The following PHTF1 variants were observed in gnomAD, a reference collection of about 807,000 sequenced individuals.
The protein encoded by PHTF1 is protein PHTF1.
In PHTF1, 88 loss-of-function variants were observed where a neutral mutation model predicts 102.4. The ratio of observed to expected loss-of-function variants is 0.86; its 90% CI spans 0.72 to 1.03. The LOEUF (loss-of-function observed/expected upper bound fraction) is 1.03. Among genes scored for constraint, PHTF1 ranks in the 50% least tolerant of loss-of-function variants. The probability of loss-of-function intolerance (pLI) is 0.00; values close to 1 mark genes in which losing one functional copy is unlikely to be tolerated. For synonymous variants in PHTF1, 289 were observed against 305.2 expected, an observed-to-expected ratio of 0.95 and a Z score of 0.55; for missense variants, 814 against 909.5, an observed-to-expected ratio of 0.89 and a Z score of 1.35.
rs1357346874 is a variant in PHTF1 at position 113,716,865 on chromosome 1, C to T, written c.624-3427G>A. 2.6e-5 allele frequency among the ~76,000 whole-genome samples: 4 copies of T among 152,096 alleles called. No individual in the cohort carries two copies. In the East Asian group the frequency reaches 7.7e-4, roughly 29 times the overall value. On this transcript the variant is annotated intron_variant, in intron 7 of 18. Coordinates refer to ENST00000369604, the MANE Select transcript of PHTF1 (RefSeq NM_001323043.2). The stretch of plus-strand genomic sequence containing the variant: ...ACATTAATGAGCAATAAGCAATCAT[C>T]TGAAGGTACAAAACTCATTAGTAAT...
At chr1:113,734,216 C>T (rs1056965785) in intron 5 of PHTF1, among the ~76,000 whole-genome samples, 6 of 152,104 alleles carry the variant, frequency 3.9e-5, no homozygotes, top group Non-Finnish European at 4.4e-5. Flanking sequence ...GCCAAGATCA[C>T]GCCACTGTAC....
rs1557917066 is a variant in PHTF1, at chr1:113,712,002, T to C, written c.895A>G (p.Ser299Gly). ...TTCTTAACTTCACAACCATTGTCAC[T>C]TGAGGCCCCTTCCACACTCCTACGC... The part of the protein sequence containing the change: ...LLRRSVEGAS[S>G]DNGCEVKNRK... The change falls in exon 9 of 19, where the codon AGT becomes GGT. Residue 299 changes from serine to glycine, a missense_variant. Coordinates refer to ENST00000369604, the MANE Select transcript of PHTF1 (RefSeq NM_001323043.2). 3.7e-6 allele frequency: 6 copies of C among 1,614,098 alleles called. No homozygotes were observed. The highest frequency in any genetic ancestry group is 5.1e-6 in the Non-Finnish European group (6 of 1,179,946).
chr1:113,737,030 GAGTAGATGTTATTCC>G (rs1223527116), intron 5 of PHTF1, among the ~76,000 whole-genome samples: 3 of 152,226 alleles, frequency 2.0e-5, no homozygotes, highest in African/African-American at 7.2e-5. Context: ...AGAAGGCTCA[GAGTAGATGTTATTCC>G]AGTGGTCTAA....
intron 15 of PHTF1, 180 bp downstream of exon 15, chr1:113,703,901 C>A: frequency 5.6e-6 from 3 of 540,194 alleles, no homozygotes; most frequent in Non-Finnish European, 3.4e-6. Context: ...TTTGAAAGGA[C>A]TTCAGAATTA....
At chr1:113,726,737 A>G (rs559608336) in intron 5 of PHTF1, among the ~76,000 whole-genome samples, 163 bp from the exon 6 acceptor site, 1 of 152,304 alleles carries the variant, frequency 6.6e-6, no homozygotes, top group South Asian at 2.1e-4. Context: ...CAAGTGAAAA[A>G]CTGAAGCCCT....
Position 113,720,629 on chromosome 1 carries a change from T to C in PHTF1, c.623+4130A>G, listed in dbSNP as rs780909175. Among the ~76,000 whole-genome samples, 202 of 152,224 alleles carry C rather than the reference T, an allele frequency of 1.3e-3. 6 individuals carry two copies. The highest frequency in any genetic ancestry group is 2.9e-4 in the Non-Finnish European group (20 of 68,044). On this transcript the variant is annotated intron_variant, in intron 7 of 18. Coordinates refer to ENST00000369604, the MANE Select transcript of PHTF1 (RefSeq NM_001323043.2). ...ACAGCCTCCCTCCTGGCTGCTTTCA[T>C]GGGCTGGTGTTGAGTGTCTACGGCT...
chr1:113,718,168 C>T (rs1652363267), intron 7 of PHTF1, among the ~76,000 whole-genome samples: 1 of 152,090 alleles, frequency 6.6e-6, no homozygotes, highest in Admixed American at 6.6e-5. Context: ...GAGAAATTGG[C>T]CAAAACAAAG....
chr1:113,735,079 A>G (rs1655258566), intron 5 of PHTF1, among the ~76,000 whole-genome samples: 1 of 152,080 alleles, frequency 6.6e-6, no homozygotes. Flanking sequence ...ATTAAAAGCT[A>G]TATAGGCCAG....
rs75333924 is a variant in PHTF1, at chr1:113,735,767, C to A, written c.331+2343G>T. On this transcript the variant is annotated intron_variant, in intron 5 of 18. Transcript: ENST00000369604. Reference sequence around the variant, plus strand: ...TAAATTTATACATATATTTTTCACTCTATATCTTAAAAAAATTTTTAACTG... The same window carrying A: ...TAAATTTATACATATATTTTTCACTATATATCTTAAAAAAATTTTTAACTG... Among the ~76,000 whole-genome samples the A allele has an allele frequency of 2.2e-3, 337 of 152,238 alleles. 2 individuals are homozygous for A. Among genetic ancestry groups the A allele is most frequent in the African/African-American group, 7.7e-3 (319 of 41,540 alleles).
chr1:113,699,618 G>A (rs1649221449), intron 17 of PHTF1, 86 bp downstream of exon 17: 2 of 717,696 alleles, frequency 2.8e-6, no homozygotes, highest in Non-Finnish European at 5.0e-6. Context: ...CCAACCCAAG[G>A]TATCATCTGC....
At chr1:113,721,632 T>C (rs1178496614) in intron 7 of PHTF1, among the ~76,000 whole-genome samples, 1 of 152,156 alleles carries the variant, frequency 6.6e-6, no homozygotes, top group African/African-American at 2.4e-5. Context: ...CAAAAAACTA[T>C]CAGAACTGAT....
rs80319905 is a variant in PHTF1, at chr1:113,758,643, T to A, written c.45+16A>T. The A allele has an allele frequency of 6.6e-5, 95 of 1,439,574 alleles. No individual in the cohort carries two copies. The highest frequency in any genetic ancestry group is 3.9e-4 in the Middle Eastern group (2 of 5,124). The allele number at this position is 1,439,574 out of a possible 1,614,324, so 89.2% of individuals were successfully genotyped here. A position where few individuals can be genotyped will look rare whatever the true frequency, so the allele number is the denominator to read the frequency against. On this transcript the variant is annotated intron_variant, in intron 2 of 18. Coordinates refer to ENST00000369604, the MANE Select transcript of PHTF1 (RefSeq NM_001323043.2). ...AAGAATGCTTTACAAATAAAAAAAA[T>A]ATATATATGTATTACCTTCTTTTGG...
chr1:113,746,700 G>A (rs1657300639), intron 3 of PHTF1, among the ~76,000 whole-genome samples: 2 of 152,224 alleles, frequency 1.3e-5, no homozygotes, highest in African/African-American at 2.4e-5. Context: ...TATCGCATAT[G>A]GAAATATATG....
chr1:113,724,426 C>G (rs1284190500), intron 7 of PHTF1, among the ~76,000 whole-genome samples: 1 of 151,170 alleles, frequency 6.6e-6, no homozygotes, highest in East Asian at 2.0e-4. Context: ...GTCATCCCAG[C>G]TATTCTCAGA....
At chr1:113,706,545 G>A (rs1650211517) in intron 12 of PHTF1, 49 bp downstream of exon 12, 1 of 1,491,046 alleles carries the variant, frequency 6.7e-7, no homozygotes, top group Admixed American at 2.3e-5. Flanking sequence ...AATAGCTCCT[G>A]ATCACTTCGT....
intron 10 of PHTF1, 66 bp from the exon 11 acceptor site, chr1:113,710,541 A>T (rs1650912591): frequency 8.0e-7 from 1 of 1,242,668 alleles, no homozygotes; most frequent in Non-Finnish European, 1.2e-6. Flanking sequence ...GTGAAATAAA[A>T]TTAAAACAAC....
chr1:113,745,349 G>T (rs1446666407), intron 3 of PHTF1, among the ~76,000 whole-genome samples: 4 of 152,160 alleles, frequency 2.6e-5, no homozygotes, highest in African/African-American at 9.7e-5. Flanking sequence ...CTGCTATAAA[G>T]AACAGATGGA....
At position 113,731,541 on chromosome 1, in the gene PHTF1, A is replaced by AAAAG. The variant is rs543797223; in HGVS notation, c.332-4971_332-4968dup. 4.8e-4 allele frequency among the ~76,000 whole-genome samples: 73 copies of AAAAG among 151,530 alleles called. 1 individual carries two copies. The highest frequency in any genetic ancestry group is 2.9e-3 in the East Asian group (15 of 5,128). On this transcript the variant is annotated intron_variant, in intron 5 of 18. Transcript: ENST00000369604. ...GTGAGACCCCGTCTCTATTTTAAAA[A>AAAAG]AAAGAAAGAAAGAAAGAAAGAAAAA...
intron 15 of PHTF1, among the ~76,000 whole-genome samples, chr1:113,701,691 T>A (rs1170574857): frequency 6.6e-6 from 1 of 151,990 alleles, no homozygotes; most frequent in Non-Finnish European, 1.5e-5. Context: ...CCCACTGAGT[T>A]TGACTCATAT....
Sources: allele counts gnomAD v4.1 joint callset (sites outside exome capture counted in the v4.1 genomes callset), GRCh38; gene constraint gnomAD v4.1.1; transcripts MANE v1.5; gene names NCBI Gene and HGNC (gene_info 2026-07-23, HGNC 2026-07-21).